The following MAPK4 variants were observed in gnomAD, a reference collection of about 807,000 sequenced individuals.
The protein encoded by MAPK4 is Erk3-related.
MAPK4 carries 22 observed loss-of-function variants against 47.7 expected under a neutral mutation model. The observed-to-expected ratio is 0.46, with a 90% CI of 0.33 to 0.66. MAPK4 has a LOEUF of 0.66. Ranked by LOEUF, MAPK4 falls within the 30% of genes least tolerant of loss-of-function variation. The pLI is 0.02. For synonymous variants in MAPK4, 390 were observed against 365.7 expected (o/e 1.07, Z -0.76); for missense variants, 736 against 831.7 (o/e 0.88, Z 1.42).
intron 1 of MAPK4, among the ~76,000 whole-genome samples, chr18:50,587,872 G>A (rs2042402324): frequency 6.6e-6 from 1 of 152,034 alleles, no homozygotes; most frequent in South Asian, 2.1e-4. Context: ...GGGATTACAG[G>A]CGCCCACCAC....
intron 2 of MAPK4, among the ~76,000 whole-genome samples, chr18:50,694,431 C>A (rs1318613083): frequency 6.6e-6 from 1 of 152,200 alleles, no homozygotes; most frequent in African/African-American, 2.4e-5. Flanking sequence ...AAATGGCAAA[C>A]TCCCAAATGA....
intron 2 of MAPK4, chr18:50,704,910 C>G: frequency 2.5e-6 from 1 of 397,540 alleles, no homozygotes; most frequent in Non-Finnish European, 4.4e-6. Flanking sequence ...TATTATTACC[C>G]ACTCCTCAAA....
At chr18:50,606,102 AC>A (rs1160778478) in intron 1 of MAPK4, among the ~76,000 whole-genome samples, 1 of 152,076 alleles carries the variant, frequency 6.6e-6, no homozygotes, top group East Asian at 1.9e-4. Flanking sequence ...TCATGATAAA[AC>A]AAGAGCACTG....
At chr18:50,586,013 G>A (rs571174545) in intron 1 of MAPK4, among the ~76,000 whole-genome samples, 5 of 152,146 alleles carry the variant, frequency 3.3e-5, no homozygotes, top group Non-Finnish European at 5.9e-5. Context: ...TTTGGGTGGG[G>A]ACATAGCCAA....
At chr18:50,581,804 A>C (rs556687364) in intron 1 of MAPK4, among the ~76,000 whole-genome samples, 8 of 152,336 alleles carry the variant, frequency 5.3e-5, no homozygotes, top group African/African-American at 1.7e-4. Context: ...GATACGTGAC[A>C]TGTCCTAGGA....
rs573994781 is a variant in MAPK4 at position 50,719,702 on chromosome 18, G to A, written c.692-2236G>A. On this transcript the variant is annotated intron_variant, in intron 3 of 5. Transcript: ENST00000400384. ...CTTCCAACAGGCTGACAACCTTCAG[G>A]CCAGACGGAGAAGAGCTGGGCTTCT... is the stretch of plus-strand genomic sequence containing the variant. Among the ~76,000 whole-genome samples the A allele has an allele frequency of 1.5e-3, 226 of 152,296 alleles. 1 individual carries two copies. Among genetic ancestry groups the A allele is most frequent in the African/African-American group, 5.1e-3 (212 of 41,566 alleles).
intron 1 of MAPK4, among the ~76,000 whole-genome samples, chr18:50,661,954 G>C (rs972889877): frequency 6.6e-6 from 1 of 152,190 alleles, no homozygotes; most frequent in African/African-American, 2.4e-5. Context: ...CTAGACCCTT[G>C]GCAAATTTCC....
At chr18:50,621,873 T>C (rs2042735117) in intron 1 of MAPK4, among the ~76,000 whole-genome samples, 1 of 152,276 alleles carries the variant, frequency 6.6e-6, no homozygotes, top group Non-Finnish European at 1.5e-5. Context: ...TAGCATTAGC[T>C]AATGCCATCA....
At chr18:50,723,287 G>C (rs958218939) in intron 4 of MAPK4, among the ~76,000 whole-genome samples, 7 of 152,206 alleles carry the variant, frequency 4.6e-5, no homozygotes, top group African/African-American at 1.4e-4. Flanking sequence ...AGAGACTCTT[G>C]CAGGAGGTTT....
chr18:50,705,884 C>G (rs940995642), intron 2 of MAPK4: 1 of 152,172 alleles, frequency 6.6e-6, no homozygotes, highest in South Asian at 2.1e-4. Flanking sequence ...CTAGACATAT[C>G]ATCCATTTGT....
chr18:50,644,177 G>A lies in MAPK4; in HGVS notation c.-870-18912G>A, dbSNP rs1018657542. On this transcript the variant is annotated intron_variant, in intron 1 of 5. Transcript: ENST00000400384. ...TAACTTTTCATTTGGTTGGGAGAGGGAAGGGGGGAACAACATGATAGGTAA... is the reference window on the plus strand; with the variant it reads ...TAACTTTTCATTTGGTTGGGAGAGGAAAGGGGGGAACAACATGATAGGTAA... 2.0e-5 allele frequency among the ~76,000 whole-genome samples: 3 copies of A among 152,186 alleles called. No homozygotes were observed. The East Asian group carries it at 5.8e-4, about 29-fold the overall frequency.
At chr18:50,642,516 G>A (rs1036858873) in intron 1 of MAPK4, among the ~76,000 whole-genome samples, 46 of 152,238 alleles carry the variant, frequency 3.0e-4, no homozygotes, top group African/African-American at 1.0e-3. Flanking sequence ...CTGAGAAATT[G>A]CCTAAACTCA....
chr18:50,575,422 C>T (rs1197447191), intron 1 of MAPK4, among the ~76,000 whole-genome samples: 1 of 152,218 alleles, frequency 6.6e-6, no homozygotes, highest in African/African-American at 2.4e-5. Context: ...CTCCTAGGCA[C>T]CTGAGTGCTC....
At chr18:50,701,281 C>G (rs1909774157) in intron 2 of MAPK4, among the ~76,000 whole-genome samples, 1 of 151,620 alleles carries the variant, frequency 6.6e-6, no homozygotes, top group Non-Finnish European at 1.5e-5. Flanking sequence ...CAAGGCCTCT[C>G]CTTTGCACAA....
intron 3 of MAPK4, among the ~76,000 whole-genome samples, chr18:50,718,347 TA>T (rs1197881290): frequency 6.6e-6 from 1 of 152,112 alleles, no homozygotes; most frequent in Non-Finnish European, 1.5e-5. Context: ...GCCTCCCGAG[TA>T]GCTGGGATTA....
At chr18:50,583,377 C>T (rs183878739) in intron 1 of MAPK4, among the ~76,000 whole-genome samples, 64 of 152,292 alleles carry the variant, frequency 4.2e-4, no homozygotes, top group Non-Finnish European at 6.9e-4. Flanking sequence ...TGCCTGAGCT[C>T]AGGAGTTTGA....
intron 2 of MAPK4, among the ~76,000 whole-genome samples, chr18:50,673,748 C>T (rs954053216): frequency 1.3e-5 from 2 of 151,708 alleles, no homozygotes; most frequent in African/African-American, 2.4e-5. Flanking sequence ...CCCAGCTACT[C>T]GGGAGGCTGA....
intron 1 of MAPK4, among the ~76,000 whole-genome samples, chr18:50,632,638 G>C: frequency 2.2e-5 from 1 of 45,106 alleles, no homozygotes; most frequent in East Asian, 8.0e-4. Flanking sequence ...TTTTTTTTTT[G>C]AGACAGAGTC....
At chr18:50,672,812 G>A (rs1343232097) in intron 2 of MAPK4, among the ~76,000 whole-genome samples, 1 of 152,158 alleles carries the variant, frequency 6.6e-6, no homozygotes, top group African/African-American at 2.4e-5. Flanking sequence ...GGAGTCAGGG[G>A]CTTGGAGTAG....
Sources: allele counts gnomAD v4.1 joint callset (sites outside exome capture counted in the v4.1 genomes callset), GRCh38; gene constraint gnomAD v4.1.1; transcripts MANE v1.5; gene names NCBI Gene and HGNC (gene_info 2026-07-23, HGNC 2026-07-21).